PDE10A: variants seen among roughly 807,000 people sequenced by gnomAD.
PDE10A encodes cAMP and cAMP-inhibited cGMP 3',5'-cyclic phosphodiesterase 10A.
A neutral mutation model predicts 97.7 loss-of-function variants in PDE10A; 39 were observed. That is an observed-to-expected ratio of 0.40 (90% CI 0.31 to 0.52). The LOEUF (loss-of-function observed/expected upper bound fraction) is 0.52. Among genes scored for constraint, PDE10A ranks in the 20% least tolerant of loss-of-function variants. PDE10A has a pLI of 0.56. For synonymous variants in PDE10A, 371 were observed against 376.8 expected (o/e 0.98, Z 0.18); for missense variants, 731 against 1,047.8 (o/e 0.70, Z 4.17).
At chr6:165,635,707 A>G (rs1788842723) in intron 1 of PDE10A, among the ~76,000 whole-genome samples, 1 of 152,214 alleles carries the variant, frequency 6.6e-6, no homozygotes, top group South Asian at 2.1e-4. Context: ...ATCAATGAAC[A>G]GACCTACACA....
At position 165,331,939 on chromosome 6, in the gene PDE10A, C is replaced by T. The variant is rs573599465; in HGVS notation, c.*1086G>A. On this transcript the variant is annotated 3_prime_UTR_variant, in exon 22 of 22. Coordinates refer to ENST00000539869, the MANE Select transcript of PDE10A (RefSeq NM_001385079.1). ...TGGACAGAAAGCTCATGAAATACGACCGTGCAGTACGTGGAAGAGATAAGT... is the reference window on the plus strand; with the variant it reads ...TGGACAGAAAGCTCATGAAATACGATCGTGCAGTACGTGGAAGAGATAAGT... 1 of 152,222 alleles carries T rather than the reference C, an allele frequency of 6.6e-6. No homozygotes were observed. Among genetic ancestry groups the T allele is most frequent in the South Asian group, 2.1e-4 (1 of 4,824 alleles). The allele number at this position is 152,222 out of a possible 1,614,324, so 9.4% of individuals were successfully genotyped here.
chr6:165,917,303 C>A (rs1270400253), intron 1 of PDE10A, among the ~76,000 whole-genome samples: 4 of 126,222 alleles, frequency 3.2e-5, no homozygotes, highest in African/African-American at 1.2e-4. Flanking sequence ...AGCGGTCTCA[C>A]TGCACCAAGA....
At chr6:165,722,797 G>A (rs548770238) in intron 1 of PDE10A, among the ~76,000 whole-genome samples, 1 of 152,068 alleles carries the variant, frequency 6.6e-6, no homozygotes. Context: ...ACATCGGAGT[G>A]AACATTTTAC....
intron 1 of PDE10A, among the ~76,000 whole-genome samples, chr6:165,795,761 A>G (rs944089900): frequency 7.2e-5 from 11 of 152,092 alleles, no homozygotes; most frequent in African/African-American, 2.4e-4. Context: ...TCTCAAAAAA[A>G]AAGTCAAGGC....
chr6:165,568,500 C>A (rs1158298080), intron 1 of PDE10A, among the ~76,000 whole-genome samples: 2 of 152,200 alleles, frequency 1.3e-5, no homozygotes, highest in Non-Finnish European at 2.9e-5. Context: ...TCAGTCCCAA[C>A]CAGGACATGA....
chr6:165,586,249 G>A (rs1583591821), intron 1 of PDE10A, among the ~76,000 whole-genome samples: 1 of 152,268 alleles, frequency 6.6e-6, no homozygotes, highest in East Asian at 1.9e-4. Flanking sequence ...TATATTTTGT[G>A]CCTCAACTTC....
chr6:165,774,435 G>A (rs1778104399), intron 1 of PDE10A, among the ~76,000 whole-genome samples: 1 of 146,652 alleles, frequency 6.8e-6, no homozygotes, highest in South Asian at 2.1e-4. Flanking sequence ...TTGAATATAC[G>A]TATATATAAT....
intron 1 of PDE10A, among the ~76,000 whole-genome samples, chr6:165,904,466 A>G (rs776729865): frequency 6.6e-6 from 1 of 152,218 alleles, no homozygotes; most frequent in Non-Finnish European, 1.5e-5. Flanking sequence ...GGAAATTAAT[A>G]CCTAATTTCT....
intron 18 of PDE10A, among the ~76,000 whole-genome samples, chr6:165,358,424 C>T (rs1462674529): frequency 1.3e-5 from 2 of 151,094 alleles, no homozygotes; most frequent in Non-Finnish European, 2.9e-5. Context: ...GTACATTGAC[C>T]ATTTCAGAGT....
At chr6:165,985,596 G>T (rs1785167568) in intron 1 of PDE10A, among the ~76,000 whole-genome samples, 1 of 152,138 alleles carries the variant, frequency 6.6e-6, no homozygotes. Context: ...AAGCATCCCT[G>T]GACTGGAGAA....
At chr6:165,489,362 TC>T (rs1780096803) in intron 2 of PDE10A, among the ~76,000 whole-genome samples, 2 of 152,098 alleles carry the variant, frequency 1.3e-5, no homozygotes, top group South Asian at 4.1e-4. Flanking sequence ...TTGTTGCAGT[TC>T]GACTCTCAGG....
chr6:165,630,135 G>A (rs377701341), intron 1 of PDE10A, among the ~76,000 whole-genome samples: 1 of 152,220 alleles, frequency 6.6e-6, no homozygotes, highest in East Asian at 1.9e-4. Context: ...ACTGCACTGA[G>A]CTCAGGAGTT....
At chr6:165,614,721 G>GA (rs2128403021) in intron 1 of PDE10A, among the ~76,000 whole-genome samples, 1 of 151,890 alleles carries the variant, frequency 6.6e-6, no homozygotes, top group Admixed American at 6.6e-5. Flanking sequence ...TAGACACTCA[G>GA]AAAAAATCAG....
rs904812624 is a variant in PDE10A, at chr6:165,663,018, G to T, written c.-207C>A. Among the ~76,000 whole-genome samples, 3 of 151,572 alleles carry T rather than the reference G, an allele frequency of 2.0e-5. No homozygotes were observed. Among genetic ancestry groups the T allele is most frequent in the Non-Finnish European group, 4.4e-5 (3 of 67,812 alleles). On this transcript the variant is annotated 5_prime_UTR_variant, in exon 1 of 22. Coordinates refer to ENST00000539869, the MANE Select transcript of PDE10A (RefSeq NM_001385079.1). Reference sequence around the variant, plus strand: ...GGGTTGCGGGAGGACCCGGGCCTGGGGGCCAGGCCCCGGCGACGGCGCCTG... The same window carrying T: ...GGGTTGCGGGAGGACCCGGGCCTGGTGGCCAGGCCCCGGCGACGGCGCCTG...
chr6:165,985,880 G>A (rs1225950942), intron 1 of PDE10A, among the ~76,000 whole-genome samples: 1 of 127,672 alleles, frequency 7.8e-6, no homozygotes, highest in Admixed American at 9.1e-5. Context: ...AGTCCACGCA[G>A]ATCTGGGTCT....
intron 1 of PDE10A, among the ~76,000 whole-genome samples, chr6:165,802,958 T>A (rs965405055): frequency 3.9e-5 from 6 of 152,234 alleles, no homozygotes; most frequent in African/African-American, 1.4e-4. Context: ...CCGGTTAGAT[T>A]TATTTTGGCA....
intron 1 of PDE10A, among the ~76,000 whole-genome samples, chr6:165,904,253 C>T (rs2128484891): frequency 6.6e-6 from 1 of 152,220 alleles, no homozygotes. Context: ...TCCGAAGCAG[C>T]AGTGGAGGGG....
At chr6:165,492,606 T>C (rs1250998091) in intron 2 of PDE10A, among the ~76,000 whole-genome samples, 1 of 152,112 alleles carries the variant, frequency 6.6e-6, no homozygotes, top group African/African-American at 2.4e-5. Context: ...ATCAACTCAA[T>C]AGATGCAGAA....
At position 165,655,511 on chromosome 6, in the gene PDE10A, C is replaced by T. The variant is rs1789899437; in HGVS notation, c.865+6436G>A. On this transcript the variant is annotated intron_variant, in intron 1 of 21. Transcript: ENST00000539869. This position sits in a 1 kb window ranked among gnomAD's most constrained non-coding sequence, Gnocchi z 4.5. ...CCTTGACGTCCCCATATCCAACCCACCTGCAGGTCTTATACACGCCACCTC... is the reference window on the plus strand; with the variant it reads ...CCTTGACGTCCCCATATCCAACCCATCTGCAGGTCTTATACACGCCACCTC... Among the ~76,000 whole-genome samples the T allele has an allele frequency of 8.3e-6, 1 of 121,168 alleles. No individual in the cohort carries two copies. The highest frequency in any genetic ancestry group is 8.6e-5 in the Admixed American group (1 of 11,638). 79.5% of individuals were successfully genotyped at this position (121,168 alleles called of 152,430 possible).
Sources: gnomAD v4.1 joint callset for allele counts (sites outside exome capture counted in the v4.1 genomes callset) on GRCh38, gnomAD v4.1.1 for gene constraint, Gnocchi (gnomAD v3.1) non-coding constraint, MANE v1.5 for transcripts, NCBI Gene and HGNC (gene_info 2026-07-23, HGNC 2026-07-21) for gene names.